The following SLC1A7 variants were observed in gnomAD, a reference collection of about 807,000 sequenced individuals.
SLC1A7 encodes solute carrier family 1 member 7, also known as excitatory amino acid transporter 5.
A neutral mutation model predicts 47.7 loss-of-function variants in SLC1A7; 40 were observed. The observed-to-expected ratio is 0.84, with a 90% CI of 0.65 to 1.09. The LOEUF (loss-of-function observed/expected upper bound fraction) is 1.09, where lower values mean the gene tolerates loss of function less well. SLC1A7 is among the 50% of genes least tolerant of loss of function. The pLI is 0.00. For missense variants in SLC1A7, 746 were observed against 769.5 expected, an observed-to-expected ratio of 0.97 and a Z score of 0.36; for synonymous variants, 323 against 325.6, an observed-to-expected ratio of 0.99 and a Z score of 0.09.
At chr1:53,140,891 G>A (rs1485045611) in intron 1 of SLC1A7, among the ~76,000 whole-genome samples, 1 of 152,160 alleles carries the variant, frequency 6.6e-6, no homozygotes, top group Non-Finnish European at 1.5e-5. Context: ...GCTTAACAGG[G>A]TCACTATAGT....
Position 53,114,725 on chromosome 1 carries a change from G to T in SLC1A7, c.431+33C>A, listed in dbSNP as rs373085779. 5.0e-6 allele frequency: 8 copies of T among 1,590,288 alleles called. No homozygotes were observed. The South Asian group carries it at 7.7e-5, about 15-fold the overall frequency. ...CTGGCAGGGCAGGCTCGGGCCTGGC[G>T]TTCCCAAGCGGGGTGTGGGTGGCAA... On this transcript the variant is annotated intron_variant, in intron 3 of 10. Coordinates refer to ENST00000371494, the MANE Select transcript of SLC1A7 (RefSeq NM_006671.6).
chr1:53,136,001 CAT>C (rs1361246497), intron 1 of SLC1A7, among the ~76,000 whole-genome samples: 1 of 151,894 alleles, frequency 6.6e-6, no homozygotes, highest in Non-Finnish European at 1.5e-5. Context: ...CCAGCCCACT[CAT>C]GTGATAGATG....
chr1:53,127,933 G>C (rs1644900764), intron 2 of SLC1A7, among the ~76,000 whole-genome samples: 1 of 152,230 alleles, frequency 6.6e-6, no homozygotes, highest in Non-Finnish European at 1.5e-5. Flanking sequence ...ACTCTGAGCA[G>C]AGGACTCAGC....
intron 7 of SLC1A7, among the ~76,000 whole-genome samples, chr1:53,092,001 C>T (rs1033363819): frequency 1.3e-5 from 2 of 152,186 alleles, no homozygotes; most frequent in Non-Finnish European, 2.9e-5. Flanking sequence ...AGGAGGGGCT[C>T]GACCTCCACT....
intron 5 of SLC1A7, among the ~76,000 whole-genome samples, chr1:53,097,187 C>T (rs1644504701): frequency 6.6e-6 from 1 of 150,598 alleles, no homozygotes; most frequent in Non-Finnish European, 1.5e-5. Flanking sequence ...ACAGATACCA[C>T]CTCAGAACAT....
intron 2 of SLC1A7, among the ~76,000 whole-genome samples, chr1:53,120,123 G>C (rs1324650875): frequency 6.6e-6 from 1 of 152,148 alleles, no homozygotes; most frequent in East Asian, 1.9e-4. Context: ...TCTCAATCTG[G>C]TAATTGCTCC....
chr1:53,088,738 G>T, intron 10 of SLC1A7, 139 bp downstream of exon 10: 4 of 674,722 alleles, frequency 5.9e-6, no homozygotes, highest in South Asian at 5.1e-5. Flanking sequence ...ATTCTGTAAC[G>T]GATGAGGAGA....
At chr1:53,110,197 C>T (rs1362519984) in intron 3 of SLC1A7, among the ~76,000 whole-genome samples, 6 of 152,292 alleles carry the variant, frequency 3.9e-5, no homozygotes, top group East Asian at 3.9e-4. Flanking sequence ...CAGAGCTAGA[C>T]GGGATCTTGA....
chr1:53,116,420 C>T (rs563272722), intron 2 of SLC1A7, among the ~76,000 whole-genome samples: 2 of 152,166 alleles, frequency 1.3e-5, no homozygotes, highest in Admixed American at 6.5e-5. Context: ...ATGCTGGGTC[C>T]GCAGTTTGGT....
chr1:53,092,767 A>G lies in SLC1A7; in HGVS notation c.818T>C (p.Val273Ala). 6.2e-7 allele frequency: 1 copy of G among 1,612,798 alleles called. No individual in the cohort carries two copies. The highest frequency in any genetic ancestry group is 8.5e-7 in the Non-Finnish European group (1 of 1,178,978). ...VAVWYFPFGI[V>A]FLIAGKILEM... ...CAGGATCTTACCCGCAATGAGGAAC[A>G]CAATGCCGAAGGGGAAATACCTGGG... The change falls in exon 7 of 11, where the codon GTG becomes GCG. Residue 273 changes from valine to alanine, a missense_variant. Physicochemically the swap from Val to Ala is moderately conservative, Grantham distance 64. Transcript: ENST00000371494.
intron 5 of SLC1A7, among the ~76,000 whole-genome samples, chr1:53,095,427 T>C (rs905949381): frequency 1.3e-5 from 2 of 151,210 alleles, no homozygotes; most frequent in South Asian, 2.1e-4. Context: ...TCACACACCC[T>C]GCCTTGGTAC....
intron 3 of SLC1A7, chr1:53,108,459 C>T: frequency 1.5e-6 from 1 of 653,178 alleles, no homozygotes; most frequent in Non-Finnish European, 2.8e-6. Context: ...AACAGAAGTC[C>T]TATTATGTTG....
chr1:53,123,707 G>A (rs907744244), intron 2 of SLC1A7, among the ~76,000 whole-genome samples: 5 of 152,234 alleles, frequency 3.3e-5, no homozygotes, highest in Non-Finnish European at 5.9e-5. Context: ...GGAAGGGAGC[G>A]AGAGCATGGA....
At chr1:53,133,077 C>T (rs1372682831) in intron 2 of SLC1A7, among the ~76,000 whole-genome samples, 1 of 152,098 alleles carries the variant, frequency 6.6e-6, no homozygotes, top group African/African-American at 2.4e-5. Context: ...GGGCAGAAAG[C>T]AGGCAAAAAG....
chr1:53,092,957 C>T (rs1451664073), intron 6 of SLC1A7, among the ~76,000 whole-genome samples, 170 bp from the exon 7 acceptor site: 1 of 152,096 alleles, frequency 6.6e-6, no homozygotes, highest in African/African-American at 2.4e-5. Flanking sequence ...TCCTTCATAC[C>T]GTTACTTCCA....
intron 5 of SLC1A7, among the ~76,000 whole-genome samples, chr1:53,098,778 G>A (rs1196986328): frequency 1.5e-5 from 2 of 132,764 alleles, no homozygotes; most frequent in South Asian, 5.0e-4. Flanking sequence ...AACTTTCTTC[G>A]GTACAGTCAC....
At chr1:53,098,641 C>A (rs983661371) in intron 5 of SLC1A7, among the ~76,000 whole-genome samples, 1 of 151,496 alleles carries the variant, frequency 6.6e-6, no homozygotes, top group Non-Finnish European at 1.5e-5. Context: ...TACGTTCACA[C>A]ACACCACCTC....
chr1:53,120,793 G>A (rs1172690614), intron 2 of SLC1A7, among the ~76,000 whole-genome samples: 2 of 152,258 alleles, frequency 1.3e-5, no homozygotes, highest in South Asian at 2.1e-4. Flanking sequence ...GGAGTGCCGG[G>A]AGCCCAGTCC....
chr1:53,106,797 ATAGATGT>A (rs959579030), intron 3 of SLC1A7, among the ~76,000 whole-genome samples: 2 of 152,152 alleles, frequency 1.3e-5, no homozygotes, highest in African/African-American at 4.8e-5. Context: ...TTTGGAAAAA[ATAGATGT>A]TAGATGCTTA....
Sources: gnomAD v4.1 joint callset for allele counts (sites outside exome capture counted in the v4.1 genomes callset) on GRCh38, gnomAD v4.1.1 for gene constraint, MANE v1.5 for transcripts, NCBI Gene and HGNC (gene_info 2026-07-23, HGNC 2026-07-21) for gene names.